The following ZDHHC14 variants were observed in gnomAD, a reference collection of about 807,000 sequenced individuals.
The protein encoded by ZDHHC14 is palmitoyltransferase ZDHHC14.
A neutral mutation model predicts 47.7 loss-of-function variants in ZDHHC14; 16 were observed. The observed-to-expected ratio is 0.34, with a 90% CI of 0.23 to 0.51. The LOEUF (loss-of-function observed/expected upper bound fraction) is 0.51, where lower values mean the gene tolerates loss of function less well. ZDHHC14 is among the 20% of genes least tolerant of loss of function. The probability of loss-of-function intolerance (pLI) is 0.97; values close to 1 mark genes in which losing one functional copy is unlikely to be tolerated. For missense variants in ZDHHC14, 515 were observed against 662.5 expected (o/e 0.78, Z 2.44); for synonymous variants, 293 against 278.9 (o/e 1.05, Z -0.50).
intron 3 of ZDHHC14, among the ~76,000 whole-genome samples, chr6:157,609,830 G>A (rs546017054): frequency 6.6e-6 from 1 of 152,330 alleles, no homozygotes; most frequent in South Asian, 2.1e-4. Context: ...TGGAAGAAGA[G>A]CCCAAAGTGT....
chr6:157,482,235 CT>C (rs1253169386), intron 1 of ZDHHC14, among the ~76,000 whole-genome samples: 1 of 151,162 alleles, frequency 6.6e-6, no homozygotes, highest in East Asian at 1.9e-4. Flanking sequence ...GTGAGGACAC[CT>C]AACGTCTATA....
Position 157,592,968 on chromosome 6 carries a change from T to C in ZDHHC14, c.407-20T>C. ...GGGAGGCTCTGAAGGTGTGCGCTCT[T>C]TCTCTTCTTTTCTCCACAGATATCG... On this transcript the variant is annotated intron_variant, in intron 2 of 8. Transcript: ENST00000359775. The C allele has an allele frequency of 6.2e-7, 1 of 1,603,178 alleles. No individual in the cohort carries two copies. Among genetic ancestry groups the C allele is most frequent in the Non-Finnish European group, 8.5e-7 (1 of 1,175,384 alleles).
intron 1 of ZDHHC14, among the ~76,000 whole-genome samples, chr6:157,431,679 A>G (rs987298721): frequency 1.3e-5 from 2 of 152,162 alleles, no homozygotes; most frequent in Non-Finnish European, 2.9e-5. Context: ...AATAAACCAA[A>G]GAAGTTACCT....
chr6:157,490,291 G>C (rs894805900), intron 1 of ZDHHC14, among the ~76,000 whole-genome samples: 2 of 152,136 alleles, frequency 1.3e-5, no homozygotes, highest in Non-Finnish European at 1.5e-5. Flanking sequence ...TGTTTTAAAT[G>C]CTTGAATCTG....
Position 157,533,334 on chromosome 6 carries a change from TATG to T in ZDHHC14, c.246-9250_246-9248del, listed in dbSNP as rs563608572. Among the ~76,000 whole-genome samples, 927 of 152,180 alleles carry T rather than the reference TATG, an allele frequency of 6.1e-3. 8 individuals carry two copies. Among genetic ancestry groups the T allele is most frequent in the Non-Finnish European group, 6.0e-3 (409 of 67,990 alleles). ...CAGTGTGCCAAGTGGGGATAAGTGCTATGGGAAGAGTAAAAGCTGGAAGGGGTT... is the reference window on the plus strand; with the variant it reads ...CAGTGTGCCAAGTGGGGATAAGTGCTGGAAGAGTAAAAGCTGGAAGGGGTT... On this transcript the variant is annotated intron_variant, in intron 1 of 8. Coordinates refer to ENST00000359775, the MANE Select transcript of ZDHHC14 (RefSeq NM_024630.3).
chr6:157,677,332 G>A lies in ZDHHC14; in HGVS notation c.*4210G>A, dbSNP rs1417601952. The A allele has an allele frequency of 9.6e-5, 14 of 145,892 alleles. No homozygotes were observed. The highest frequency in any genetic ancestry group is 3.3e-4 in the African/African-American group (13 of 39,766). The allele number at this position is 145,892 out of a possible 1,614,324, so 9.0% of individuals were successfully genotyped here. On this transcript the variant is annotated 3_prime_UTR_variant, in exon 9 of 9. Transcript: ENST00000359775. ...CTAAGTTATCATTGAAATATTAAAC[G>A]ATCTGAAGCGTCTTTTTTTTTTTCA...
At position 157,586,682 on chromosome 6, in the gene ZDHHC14, G is replaced by A. The variant is rs112794362; in HGVS notation, c.407-6306G>A. On this transcript the variant is annotated intron_variant, in intron 2 of 8. Transcript: ENST00000359775. The surrounding 1 kb of genome is among the most constrained non-coding windows in gnomAD (Gnocchi z 4.6). ...CCCTCCCAGGACCCCAGCGGCCCTC[G>A]GCAACCCCTGGTGCAGCACCGGCTT... Among the ~76,000 whole-genome samples the A allele has an allele frequency of 6.8e-6, 1 of 147,742 alleles. No homozygotes were observed. The highest frequency in any genetic ancestry group is 6.7e-5 in the Admixed American group (1 of 14,860).
intron 7 of ZDHHC14, among the ~76,000 whole-genome samples, chr6:157,651,814 TGCCC>T (rs1308483555): frequency 6.6e-6 from 1 of 152,140 alleles, no homozygotes; most frequent in African/African-American, 2.4e-5. Context: ...TCCGGTGATC[TGCCC>T]GCCTTGGCCT....
chr6:157,627,266 A>G (rs548423383), intron 3 of ZDHHC14, among the ~76,000 whole-genome samples: 1 of 152,198 alleles, frequency 6.6e-6, no homozygotes, highest in African/African-American at 2.4e-5. Flanking sequence ...GTCACACCTC[A>G]TATAGCACTC....
At chr6:157,594,871 G>A (rs539227835) in intron 3 of ZDHHC14, among the ~76,000 whole-genome samples, 98 of 152,264 alleles carry the variant, frequency 6.4e-4, no homozygotes, top group African/African-American at 2.1e-3. Context: ...TGGGGGAACC[G>A]TCTACCTGTA....
chr6:157,653,835 G>T (rs1019651846), intron 8 of ZDHHC14, among the ~76,000 whole-genome samples: 11 of 152,194 alleles, frequency 7.2e-5, no homozygotes, highest in African/African-American at 2.4e-4. Context: ...AGTTTGGTGT[G>T]CTTGTTCACA....
At chr6:157,642,773 CCTT>C (rs1328715196) in intron 5 of ZDHHC14, among the ~76,000 whole-genome samples, 2 of 152,154 alleles carry the variant, frequency 1.3e-5, no homozygotes, top group African/African-American at 4.8e-5. Flanking sequence ...TGTTTCTTGA[CCTT>C]ATTATGGCAT....
intron 3 of ZDHHC14, among the ~76,000 whole-genome samples, chr6:157,624,143 C>T (rs538593054): frequency 1.6e-4 from 24 of 152,314 alleles, no homozygotes; most frequent in African/African-American, 5.5e-4. Context: ...CAGTCACTTG[C>T]TCTCTTCCCA....
At chr6:157,585,980 T>C (rs975756542) in intron 2 of ZDHHC14, among the ~76,000 whole-genome samples, 1 of 152,158 alleles carries the variant, frequency 6.6e-6, no homozygotes, top group African/African-American at 2.4e-5. Context: ...AGCATGGCAG[T>C]CCTCCATCTT....
intron 1 of ZDHHC14, among the ~76,000 whole-genome samples, chr6:157,418,436 G>A (rs1778029247): frequency 1.3e-5 from 2 of 152,228 alleles, no homozygotes. Flanking sequence ...AGCTGAGTGT[G>A]TTGCACTTTG....
chr6:157,639,601 A>G (rs1463310404), intron 5 of ZDHHC14, among the ~76,000 whole-genome samples: 1 of 152,194 alleles, frequency 6.6e-6, no homozygotes, highest in East Asian at 1.9e-4. Context: ...TGCACCCGGC[A>G]AGAACATTTA....
At chr6:157,472,553 C>T (rs1457084476) in intron 1 of ZDHHC14, among the ~76,000 whole-genome samples, 5 of 152,038 alleles carry the variant, frequency 3.3e-5, no homozygotes, top group Non-Finnish European at 1.5e-5. Flanking sequence ...ATTATGCACT[C>T]CTGTTCAGCC....
At chr6:157,529,104 A>G (rs1169639955) in intron 1 of ZDHHC14, 1 of 154,670 alleles carries the variant, frequency 6.5e-6, no homozygotes, top group Admixed American at 6.5e-5. Context: ...CTCAGCACCT[A>G]CCACCTGTAC....
At chr6:157,593,656 C>T (rs545435684) in intron 3 of ZDHHC14, among the ~76,000 whole-genome samples, 5 of 152,342 alleles carry the variant, frequency 3.3e-5, no homozygotes, top group African/African-American at 1.2e-4. Context: ...CTCTGCCTCC[C>T]AACTTCCGCC....
Sources: allele counts gnomAD v4.1 joint callset (sites outside exome capture counted in the v4.1 genomes callset), GRCh38; gene constraint gnomAD v4.1.1; non-coding constraint Gnocchi (gnomAD v3.1); transcripts MANE v1.5; gene names NCBI Gene and HGNC (gene_info 2026-07-23, HGNC 2026-07-21).